SLC39A12: variants seen among roughly 807,000 people sequenced by gnomAD.
SLC39A12 encodes zinc transporter ZIP12.
SLC39A12 carries 63 observed loss-of-function variants against 71.1 expected under a neutral mutation model. The ratio of observed to expected loss-of-function variants is 0.89; its 90% CI spans 0.72 to 1.09. The LOEUF is 1.09. Among genes scored for constraint, SLC39A12 ranks in the 50% least tolerant of loss-of-function variants. The probability of loss-of-function intolerance (pLI) is 0.00; values close to 1 mark genes in which losing one functional copy is unlikely to be tolerated. For missense variants in SLC39A12, 892 were observed against 812.6 expected (o/e 1.10, Z -1.19); for synonymous variants, 351 against 301.3 (o/e 1.16, Z -1.71).
chr10:17,954,122 C>G (rs541998836), intron 2 of SLC39A12, among the ~76,000 whole-genome samples: 1 of 152,148 alleles, frequency 6.6e-6, no homozygotes, highest in African/African-American at 2.4e-5. Context: ...GCCTACAAAG[C>G]GAATCTCAAC....
At chr10:17,980,150 G>T (rs1228629903) in intron 5 of SLC39A12, among the ~76,000 whole-genome samples, 2 of 152,074 alleles carry the variant, frequency 1.3e-5, no homozygotes, top group Admixed American at 6.6e-5. Context: ...GAGACCATCT[G>T]TGCCTTTCTA....
At chr10:18,021,794 C>T (rs939306407) in intron 12 of SLC39A12, among the ~76,000 whole-genome samples, 1 of 152,102 alleles carries the variant, frequency 6.6e-6, no homozygotes, top group Admixed American at 6.5e-5. Flanking sequence ...CCTTAAGGAC[C>T]TCTTGGAAGT....
chr10:18,018,450 C>T lies in SLC39A12; in HGVS notation c.1947+15092C>T, dbSNP rs546141362. 1.7e-4 allele frequency among the ~76,000 whole-genome samples: 26 copies of T among 152,192 alleles called. No individual in the cohort carries two copies. In the South Asian group the frequency reaches 4.1e-3, roughly 24 times the overall value. ...GCAGTGGTGAGAGGGCTCATCCTTG[C>T]CTTTCTTCTGATTTTAGTGGGAAAG... On this transcript the variant is annotated intron_variant, in intron 12 of 12. Coordinates refer to ENST00000377369, the MANE Select transcript of SLC39A12 (RefSeq NM_001145195.2).
At chr10:18,022,909 T>G (rs1177544597) in intron 12 of SLC39A12, among the ~76,000 whole-genome samples, 1 of 152,176 alleles carries the variant, frequency 6.6e-6, no homozygotes, top group Admixed American at 6.5e-5. Flanking sequence ...AGCGTAGTAT[T>G]TTTTGGTGTT....
At chr10:17,992,308 A>G (rs1835575279) in intron 8 of SLC39A12, among the ~76,000 whole-genome samples, 1 of 152,192 alleles carries the variant, frequency 6.6e-6, no homozygotes, top group South Asian at 2.1e-4. Flanking sequence ...ACATTACAAT[A>G]CAATTCTTTC....
rs1195629854 is a variant in SLC39A12 at position 18,036,746 on chromosome 10, TTATATATATATA to T, written c.1948-5921_1948-5910del. ...CATCTTGCAGTTAGCATTTTAAAAATTATATATATATATATATATATATATATATATATATAT... is the reference window on the plus strand; with the variant it reads ...CATCTTGCAGTTAGCATTTTAAAAATTATATATATATATATATATATATAT... On this transcript the variant is annotated intron_variant, in intron 12 of 12. Transcript: ENST00000377369. 4.0e-4 allele frequency among the ~76,000 whole-genome samples: 15 copies of T among 37,494 alleles called. 1 individual carries two copies. The South Asian group carries it at 4.6e-3, about 11-fold the overall frequency. 24.6% of individuals were successfully genotyped at this position (37,494 alleles called of 152,430 possible).
intron 12 of SLC39A12, among the ~76,000 whole-genome samples, chr10:18,036,767 TATATATATA>T (rs1837043570): frequency 1.5e-5 from 1 of 68,718 alleles, no homozygotes; most frequent in Non-Finnish European, 2.6e-5. Context: ...TATATATATA[TATATATATA>T]TATATATATA....
chr10:17,978,497 C>G (rs1358641702), intron 5 of SLC39A12, among the ~76,000 whole-genome samples: 1 of 152,162 alleles, frequency 6.6e-6, no homozygotes, highest in Non-Finnish European at 1.5e-5. Context: ...GAAGTTGACT[C>G]TTTCAGACTC....
rs1554848380 is a variant in SLC39A12, at chr10:17,961,602, T to A, written c.283T>A (p.Leu95Ile). ...ACAGTGCTTTGAACCAGATGCACTA[T>A]TACTAATAGCTGGAGGAAATTTTGA... The part of the protein sequence containing the change: ...CNLCFEPDAL[L>I]LIAGGNFEDQ... Residue 95 changes from leucine to isoleucine, a missense_variant, in exon 3 of 13, where the codon TTA (leucine) becomes ATA (isoleucine). By Grantham distance (5) the Leu-to-Ile change is conservative. Transcript: ENST00000377369. 6.2e-7 allele frequency: 1 copy of A among 1,613,334 alleles called. No individual in the cohort carries two copies. The highest frequency in any genetic ancestry group is 1.3e-5 in the African/African-American group (1 of 75,000).
Position 17,961,631 on chromosome 10 carries a change from T to A in SLC39A12, c.312T>A (p.Asp104Glu), listed in dbSNP as rs782653705. 1 of 1,613,956 alleles carries A rather than the reference T, an allele frequency of 6.2e-7. No individual in the cohort carries two copies. The highest frequency in any genetic ancestry group is 8.5e-7 in the Non-Finnish European group (1 of 1,179,964). Residue 104 changes from aspartate to glutamate, a missense_variant, in exon 3 of 13, where the codon GAT becomes GAA. Coordinates refer to ENST00000377369, the MANE Select transcript of SLC39A12 (RefSeq NM_001145195.2). ...LLLIAGGNFE[D>E]QLREEVVQRV... The stretch of plus-strand genomic sequence containing the variant: ...TAATAGCTGGAGGAAATTTTGAAGA[T>A]CAGCTTAGAGAAGAAGTGGTCCAGA...
At chr10:17,996,922 C>CGGGAGGCGGAGCTTGCA (rs1056694029) in intron 10 of SLC39A12, among the ~76,000 whole-genome samples, 6 of 148,532 alleles carry the variant, frequency 4.0e-5, no homozygotes, top group Admixed American at 1.4e-4. Context: ...GGCGTGAACC[C>CGGGAGGCGGAGCTTGCA]GGGAGGCGGA....
intron 12 of SLC39A12, among the ~76,000 whole-genome samples, chr10:18,033,529 A>T (rs1266222569): frequency 1.4e-5 from 2 of 138,978 alleles, no homozygotes; most frequent in African/African-American, 5.4e-5. Flanking sequence ...TGTCTATTTG[A>T]TTCTTCTCTC....
chr10:18,031,774 G>T (rs1231441982), intron 12 of SLC39A12, among the ~76,000 whole-genome samples: 3 of 78,744 alleles, frequency 3.8e-5, no homozygotes, highest in African/African-American at 5.4e-5. Flanking sequence ...GGGTTTTTAT[G>T]GTTTTAGGTC....
intron 8 of SLC39A12, among the ~76,000 whole-genome samples, chr10:17,991,890 G>A (rs1443174142): frequency 6.6e-6 from 1 of 151,788 alleles, no homozygotes; most frequent in East Asian, 1.9e-4. Flanking sequence ...GGAGTTTGAG[G>A]CCAGCCTGGC....
intron 2 of SLC39A12, among the ~76,000 whole-genome samples, chr10:17,955,563 C>T (rs1181888906): frequency 6.6e-6 from 1 of 152,208 alleles, no homozygotes; most frequent in Admixed American, 6.5e-5. Context: ...ACTTTGTCTG[C>T]TGACAGGCAG....
At chr10:17,967,898 A>ATATAT (rs1188012149) in intron 4 of SLC39A12, among the ~76,000 whole-genome samples, 15 of 119,744 alleles carry the variant, frequency 1.3e-4, no homozygotes, top group East Asian at 4.3e-4. Flanking sequence ...AAAAAAAAAA[A>ATATAT]ATATATATAT....
intron 12 of SLC39A12, chr10:18,008,553 C>T (rs1564655444): frequency 1.3e-5 from 2 of 152,180 alleles, no homozygotes; most frequent in African/African-American, 2.4e-5. Flanking sequence ...CCCTCACCTC[C>T]AACCGTCGGT....
At chr10:18,041,823 G>GTATGTACATACATATGTATACGTATATA (rs1277748459) in intron 12 of SLC39A12, among the ~76,000 whole-genome samples, 5 of 133,662 alleles carry the variant, frequency 3.7e-5, no homozygotes, top group Admixed American at 1.5e-4. Flanking sequence ...ATACGTATAT[G>GTATGTACATACATATGTATACGTATATA]TATGTACATA....
chr10:17,971,944 C>T (rs1320646848), intron 4 of SLC39A12, among the ~76,000 whole-genome samples: 1 of 151,980 alleles, frequency 6.6e-6, no homozygotes, highest in South Asian at 2.1e-4. Context: ...TTGAAATCTC[C>T]TCTTTTTCGA....
Sources: gnomAD v4.1 joint callset for allele counts (sites outside exome capture counted in the v4.1 genomes callset) on GRCh38, gnomAD v4.1.1 for gene constraint, MANE v1.5 for transcripts, NCBI Gene and HGNC (gene_info 2026-07-23, HGNC 2026-07-21) for gene names.